RIGI: variants seen among roughly 807,000 people sequenced by gnomAD.
RIGI encodes the protein antiviral innate immune response receptor RIG-I.
the RIGI span, among the ~76,000 whole-genome samples, chr9:32,460,514 A>C: frequency 6.6e-6 from 1 of 152,226 alleles, no homozygotes; most frequent in African/African-American, 2.4e-5. Flanking sequence ...AGATGCCAAC[A>C]CTGAGAAGAG....
chr9:32,467,955 T>C, the RIGI span: 1 of 1,541,840 alleles, frequency 6.5e-7, no homozygotes, highest in South Asian at 1.2e-5. Context: ...AAGAGGGCAT[T>C]ATACAACTCA....
At chr9:32,495,766 TCTC>T in the RIGI span, among the ~76,000 whole-genome samples, 1 of 151,398 alleles carries the variant, frequency 6.6e-6, no homozygotes, top group Non-Finnish European at 1.5e-5. Flanking sequence ...TTCAAGCAAT[TCTC>T]CTGCCACAGC....
At chr9:32,467,218 A>T in the RIGI span, among the ~76,000 whole-genome samples, 1 of 152,092 alleles carries the variant, frequency 6.6e-6, no homozygotes, top group Non-Finnish European at 1.5e-5. Context: ...GGAATGAAAT[A>T]GGTGTTGGAT....
chr9:32,516,943 G>A, the RIGI span, among the ~76,000 whole-genome samples: 1 of 152,200 alleles, frequency 6.6e-6, no homozygotes, highest in Admixed American at 6.5e-5. Context: ...CAGTCGGATT[G>A]TGTTTTGTTG....
At chr9:32,455,708 G>T in the RIGI span, 1 of 151,940 alleles carries the variant, frequency 6.6e-6, no homozygotes, top group Non-Finnish European at 1.5e-5. Flanking sequence ...CATAAACTTG[G>T]TTTAAATAAT....
chr9:32,489,275 C>A, the RIGI span: 1 of 1,090,960 alleles, frequency 9.2e-7, no homozygotes, highest in South Asian at 1.5e-5. Flanking sequence ...CCATTCTGTC[C>A]CAGTATTCAA....
At chr9:32,469,615 G>GTT in the RIGI span, among the ~76,000 whole-genome samples, 1 of 152,182 alleles carries the variant, frequency 6.6e-6, no homozygotes, top group Non-Finnish European at 1.5e-5. Context: ...TTAGACTAGC[G>GTT]TAAGTGGGTT....
the RIGI span, chr9:32,487,952 A>G: frequency 1.2e-6 from 2 of 1,613,974 alleles, no homozygotes; most frequent in Non-Finnish European, 1.7e-6. Context: ...TACCTGGGGC[A>G]GTGGGCCTGA....
the RIGI span, among the ~76,000 whole-genome samples, chr9:32,458,927 T>A: frequency 6.8e-6 from 1 of 148,078 alleles, no homozygotes; most frequent in African/African-American, 2.5e-5. Flanking sequence ...TCTTGCTCTG[T>A]CACCCAGGCT....
the RIGI span, among the ~76,000 whole-genome samples, chr9:32,480,958 A>C: frequency 6.6e-6 from 1 of 152,238 alleles, no homozygotes; most frequent in Non-Finnish European, 1.5e-5. Flanking sequence ...AAGGTGAAGA[A>C]ATGTGTGCTT....
At chr9:32,466,261 C>A in the RIGI span, 4 of 1,609,940 alleles carry the variant, frequency 2.5e-6, no homozygotes, top group South Asian at 3.3e-5. Flanking sequence ...TATTTATGGT[C>A]AGATGCTGGA....
chr9:32,487,657 T>G, the RIGI span: 1 of 1,606,796 alleles, frequency 6.2e-7, no homozygotes, highest in Non-Finnish European at 8.5e-7. Flanking sequence ...TCAAAATCAT[T>G]AGATGTCTGA....
the RIGI span, chr9:32,493,674 T>G: frequency 1.1e-6 from 1 of 876,536 alleles, no homozygotes; most frequent in East Asian, 2.8e-5. Context: ...TCAATGATCT[T>G]TCTCAGGTCT....
chr9:32,499,627 T>C, the RIGI span, among the ~76,000 whole-genome samples: 1 of 152,092 alleles, frequency 6.6e-6, no homozygotes, highest in Non-Finnish European at 1.5e-5. Context: ...GGCTAATTTT[T>C]GTATTTTTAG....
chr9:32,514,491 C>T, the RIGI span, among the ~76,000 whole-genome samples: 56 of 152,224 alleles, frequency 3.7e-4, no homozygotes, highest in African/African-American at 8.2e-4. Flanking sequence ...AACCTAACAC[C>T]GTATGTTCTC....
the RIGI span, among the ~76,000 whole-genome samples, chr9:32,497,945 T>C: frequency 6.6e-6 from 1 of 152,198 alleles, no homozygotes; most frequent in East Asian, 1.9e-4. Flanking sequence ...ACCTGACAGG[T>C]TGGTAAGGAT....
At chr9:32,455,470 A>C in the RIGI span, among the ~76,000 whole-genome samples, 2 of 152,146 alleles carry the variant, frequency 1.3e-5, no homozygotes, top group Non-Finnish European at 2.9e-5. Context: ...TAAAACCATC[A>C]GATCTCATGA....
At chr9:32,471,953 G>T in the RIGI span, among the ~76,000 whole-genome samples, 2 of 151,964 alleles carry the variant, frequency 1.3e-5, no homozygotes, top group African/African-American at 4.8e-5. Flanking sequence ...GACAGGGTGG[G>T]TATGGGAGGG....
chr9:32,520,469 C>T, the RIGI span, among the ~76,000 whole-genome samples: 4 of 152,178 alleles, frequency 2.6e-5, no homozygotes, highest in South Asian at 6.2e-4. Flanking sequence ...GACACCAATA[C>T]CTGCTAAATC....
Sources: gnomAD v4.1 joint callset for allele counts (sites outside exome capture counted in the v4.1 genomes callset) on GRCh38, gnomAD v4.1.1 for gene constraint, MANE v1.5 for transcripts, NCBI Gene and HGNC (gene_info 2026-07-23, HGNC 2026-07-21) for gene names.